OPA1: variants seen among roughly 807,000 people sequenced by gnomAD.
The protein encoded by OPA1 is dynamin-like GTPase OPA1, mitochondrial.
OPA1 carries 59 observed loss-of-function variants against 152.9 expected under a neutral mutation model. That is an observed-to-expected ratio of 0.39 (90% CI 0.31 to 0.48). The LOEUF (loss-of-function observed/expected upper bound fraction) is 0.48. OPA1 is among the 20% of genes least tolerant of loss of function. The pLI, the probability that OPA1 is intolerant of heterozygous loss-of-function variation, is 0.96. For synonymous variants in OPA1, 400 were observed against 389.9 expected (o/e 1.03, Z -0.31); for missense variants, 1,008 against 1,216.8 (o/e 0.83, Z 2.55).
intron 11 of OPA1, among the ~76,000 whole-genome samples, chr3:193,640,540 G>C (rs1331480245): frequency 6.6e-6 from 1 of 152,174 alleles, no homozygotes; most frequent in Non-Finnish European, 1.5e-5. Context: ...GAAATACTAA[G>C]CCAGATGATC....
intron 18 of OPA1, 23 bp from the exon 19 acceptor site, chr3:193,647,042 C>G (rs372119395): frequency 6.8e-7 from 1 of 1,477,758 alleles, no homozygotes; most frequent in Non-Finnish European, 9.4e-7. Flanking sequence ...TATACTTTAG[C>G]TCTTGTTATT....
chr3:193,629,809 T>TGA, intron 7 of OPA1, among the ~76,000 whole-genome samples: 1 of 152,250 alleles, frequency 6.6e-6, no homozygotes. Flanking sequence ...TTTGTTTAAT[T>TGA]GTATTAGTTT....
intron 1 of OPA1, chr3:193,603,446 A>G (rs1420207466): frequency 6.6e-6 from 1 of 152,218 alleles, no homozygotes; most frequent in Non-Finnish European, 1.5e-5. Flanking sequence ...ATTTGGGTTC[A>G]TTTCTACAAG....
chr3:193,615,887 A>G (rs1560329893), intron 3 of OPA1, 117 bp downstream of exon 3: 4 of 723,072 alleles, frequency 5.5e-6, no homozygotes, highest in South Asian at 3.1e-5. Context: ...TTTTAATGAT[A>G]TAAGTAATAG....
intron 20 of OPA1, 147 bp from the exon 21 acceptor site, chr3:193,648,648 C>T (rs1711632792): frequency 1.7e-6 from 1 of 601,524 alleles, no homozygotes; most frequent in African/African-American, 1.9e-5. Context: ...TAAAAAAAAA[C>T]ACTAGAAGTG....
At chr3:193,617,307 C>G (rs547412652) in intron 4 of OPA1, 22 bp downstream of exon 4, 2 of 1,427,066 alleles carry the variant, frequency 1.4e-6, no homozygotes, top group African/African-American at 1.4e-5. Flanking sequence ...GCTGTTTGAT[C>G]TAATTTAAAA....
rs547385791 is a variant in OPA1, at chr3:193,628,641, T to C, written c.789+2439T>C. The C allele has an allele frequency of 2.6e-5, 4 of 152,332 alleles. 1 individual carries two copies. Among genetic ancestry groups the C allele is most frequent in the African/African-American group, 7.2e-5 (3 of 41,586 alleles). 9.4% of individuals were successfully genotyped at this position (152,332 alleles called of 1,614,324 possible). A position where few individuals can be genotyped will look rare whatever the true frequency, so the allele number is the denominator to read the frequency against. On this transcript the variant is annotated intron_variant, in intron 7 of 30. Transcript: ENST00000361510. ...GGTGAGTTTTAAATTTATTTCATGA[T>C]GCAAACAATATATTGAACAACAGGA... is the stretch of plus-strand genomic sequence containing the variant.
At chr3:193,668,566 T>C (rs1405968080) in intron 29 of OPA1, 1 of 1,547,240 alleles carries the variant, frequency 6.5e-7, no homozygotes, top group Non-Finnish European at 8.7e-7. Context: ...AGCCAGACCA[T>C]GCCTTTGTGG....
chr3:193,640,562 A>G (rs994526140), intron 11 of OPA1, among the ~76,000 whole-genome samples: 1 of 152,202 alleles, frequency 6.6e-6, no homozygotes, highest in South Asian at 2.1e-4. Flanking sequence ...GCTGTTAATT[A>G]GAAAGGAGAA....
intron 29 of OPA1, among the ~76,000 whole-genome samples, chr3:193,682,517 A>G (rs1263501745): frequency 6.6e-6 from 1 of 152,246 alleles, no homozygotes; most frequent in Non-Finnish European, 1.5e-5. Flanking sequence ...AGAGAAGTCA[A>G]TGCCCAGCTT....
chr3:193,646,947 G>A (rs1053965744), intron 18 of OPA1, 118 bp from the exon 19 acceptor site: 10 of 665,450 alleles, frequency 1.5e-5, no homozygotes, highest in African/African-American at 1.1e-4. Context: ...TTATTGAACA[G>A]CACTGGTATG....
At chr3:193,676,488 A>C (rs949602584) in intron 29 of OPA1, among the ~76,000 whole-genome samples, 71 of 152,288 alleles carry the variant, frequency 4.7e-4, no homozygotes, top group Middle Eastern at 3.4e-3. Flanking sequence ...ACAAACAAAC[A>C]AAAAAACCTG....
At chr3:193,620,922 T>G (rs543653134) in intron 6 of OPA1, among the ~76,000 whole-genome samples, 169 of 152,362 alleles carry the variant, frequency 1.1e-3, no homozygotes, top group African/African-American at 3.8e-3. Flanking sequence ...AGACCTTAGC[T>G]TAGCAGTACC....
At chr3:193,628,770 A>G (rs1364409874) in intron 7 of OPA1, among the ~76,000 whole-genome samples, 1 of 152,238 alleles carries the variant, frequency 6.6e-6, no homozygotes, top group East Asian at 1.9e-4. Context: ...CAGATTGAAA[A>G]TAGCTTGTGT....
At position 193,614,610 on chromosome 3, in the gene OPA1, TG is replaced by T. The variant is rs1728736824; in HGVS notation, c.33-112del. On this transcript the variant is annotated intron_variant, in intron 1 of 30. Transcript: ENST00000361510. ...GTAAATGTGAACTATTGTGTGACAT[TG>T]TGGTTAGTCACGTATGGGGCTGTGT... is the stretch of plus-strand genomic sequence containing the variant. 4 of 798,252 alleles carry T rather than the reference TG, an allele frequency of 5.0e-6. No homozygotes were observed. In the Admixed American group the frequency reaches 7.1e-5, roughly 14 times the overall value. 49.4% of individuals were successfully genotyped at this position (798,252 alleles called of 1,614,324 possible). A position where few individuals can be genotyped will look rare whatever the true frequency, so the allele number is the denominator to read the frequency against.
At chr3:193,666,208 T>G in intron 27 of OPA1, 88 bp from the exon 28 acceptor site, 1 of 1,079,496 alleles carries the variant, frequency 9.3e-7, no homozygotes, top group Non-Finnish European at 1.4e-6. Flanking sequence ...TTAGGACATA[T>G]CTACTGGTTC....
chr3:193,634,189 TTAA>T (rs1732554223), intron 8 of OPA1, among the ~76,000 whole-genome samples: 1 of 151,952 alleles, frequency 6.6e-6, no homozygotes, highest in Admixed American at 6.6e-5. Context: ...CTCTGTGTTG[TTAA>T]TGTTTAGAGA....
At chr3:193,656,316 C>T (rs1233118475) in intron 22 of OPA1, among the ~76,000 whole-genome samples, 4 of 152,150 alleles carry the variant, frequency 2.6e-5, no homozygotes, top group Admixed American at 2.6e-4. Context: ...TTAATACTCA[C>T]CCCACCACTC....
intron 1 of OPA1, among the ~76,000 whole-genome samples, chr3:193,611,622 G>T (rs903973463): frequency 9.1e-4 from 104 of 113,904 alleles, no homozygotes; most frequent in Non-Finnish European, 1.7e-3. Context: ...AAAAAAAAAA[G>T]TTCAGCTAAG....
Sources: allele counts gnomAD v4.1 joint callset (sites outside exome capture counted in the v4.1 genomes callset), GRCh38; gene constraint gnomAD v4.1.1; transcripts MANE v1.5; gene names NCBI Gene and HGNC (gene_info 2026-07-23, HGNC 2026-07-21).